Variants in S100Z observed in about 807,000 individuals in gnomAD.
S100Z encodes the protein protein S100-Z.
A neutral mutation model predicts 8.5 loss-of-function variants in S100Z; 11 were observed. That is an observed-to-expected ratio of 1.30 (90% CI 0.82 to 2.15). The LOEUF (loss-of-function observed/expected upper bound fraction) is 2.15. Ranked by LOEUF, S100Z falls within the 30% of genes most tolerant of loss-of-function variation. The pLI is 0.00. For synonymous variants in S100Z, 34 were observed against 43.8 expected, an observed-to-expected ratio of 0.78 and a Z score of 0.89; for missense variants, 126 against 117.9, an observed-to-expected ratio of 1.07 and a Z score of -0.32.
chr5:76,866,635 T>A (rs752158516), intron 1 of S100Z, among the ~76,000 whole-genome samples: 7 of 152,228 alleles, frequency 4.6e-5, no homozygotes, highest in Admixed American at 6.5e-5. Flanking sequence ...ACACAAATAC[T>A]ATTGCATTAC....
At chr5:76,886,722 T>C (rs1305085493) in intron 4 of S100Z, among the ~76,000 whole-genome samples, 1 of 152,154 alleles carries the variant, frequency 6.6e-6, no homozygotes, top group Non-Finnish European at 1.5e-5. Flanking sequence ...CATTAGTTCT[T>C]ATAGGTTTTG....
intron 4 of S100Z, among the ~76,000 whole-genome samples, chr5:76,906,974 GTGTATATATATATATATATA>G (rs1271927942): frequency 3.7e-4 from 43 of 114,700 alleles, no homozygotes; most frequent in Middle Eastern, 4.5e-3. Flanking sequence ...CATTGTGTGT[GTGTATATATATATATATATA>G]TATATATATA....
At chr5:76,937,741 A>C in the S100Z span, among the ~76,000 whole-genome samples, 1 of 85,504 alleles carries the variant, frequency 1.2e-5, no homozygotes, top group African/African-American at 4.1e-5. Context: ...CAACAATGCA[A>C]GACCCTGTCT....
At chr5:76,907,021 T>TATATAC (rs1744478342) in intron 4 of S100Z, among the ~76,000 whole-genome samples, 1 of 108,718 alleles carries the variant, frequency 9.2e-6, no homozygotes, top group South Asian at 2.9e-4. Context: ...TATATATATA[T>TATATAC]ATACATATAT....
intron 4 of S100Z, among the ~76,000 whole-genome samples, chr5:76,904,567 C>A (rs1263501748): frequency 1.3e-5 from 2 of 152,178 alleles, no homozygotes; most frequent in Non-Finnish European, 2.9e-5. Context: ...ACACACATTT[C>A]TTTACAAGTA....
At chr5:76,866,871 C>T (rs1187342418) in intron 1 of S100Z, among the ~76,000 whole-genome samples, 1 of 152,208 alleles carries the variant, frequency 6.6e-6, no homozygotes, top group Non-Finnish European at 1.5e-5. Flanking sequence ...TCTTTAGGTA[C>T]ACAACATTTA....
the S100Z span, among the ~76,000 whole-genome samples, chr5:76,940,639 C>T: frequency 1.3e-5 from 2 of 152,164 alleles, no homozygotes; most frequent in African/African-American, 4.8e-5. Context: ...TCTTGAACTC[C>T]TGACCTCAAG....
chr5:76,883,805 C>T (rs970079519), intron 4 of S100Z, among the ~76,000 whole-genome samples: 20 of 152,180 alleles, frequency 1.3e-4, no homozygotes, highest in African/African-American at 3.9e-4. Context: ...TCCCAGGCTG[C>T]GGGCATTGCT....
chr5:76,886,275 G>A (rs1020978152), intron 4 of S100Z, among the ~76,000 whole-genome samples: 2 of 152,196 alleles, frequency 1.3e-5, no homozygotes, highest in African/African-American at 2.4e-5. Context: ...GACCTGCGCC[G>A]GAGTTTTGGG....
chr5:76,952,803 C>CT, the S100Z span: 1 of 312,102 alleles, frequency 3.2e-6, no homozygotes, highest in Non-Finnish European at 6.1e-6. Flanking sequence ...CTCCCTTATT[C>CT]TTTGTCTCCG....
chr5:76,853,132 C>T (rs987118722), intron 1 of S100Z, among the ~76,000 whole-genome samples: 1 of 151,818 alleles, frequency 6.6e-6, no homozygotes, highest in African/African-American at 2.4e-5. Flanking sequence ...CAATGTGATA[C>T]AGTTCAGACA....
chr5:76,911,190 A>C (rs1400325306), intron 4 of S100Z, among the ~76,000 whole-genome samples: 1 of 152,252 alleles, frequency 6.6e-6, no homozygotes, highest in East Asian at 1.9e-4. Flanking sequence ...CCTGAAGCTC[A>C]TAAAGGATTA....
chr5:76,853,406 C>A (rs1750787813), intron 1 of S100Z, among the ~76,000 whole-genome samples: 1 of 152,168 alleles, frequency 6.6e-6, no homozygotes, highest in African/African-American at 2.4e-5. Context: ...TAAGAGATAG[C>A]AAATTACCTT....
At chr5:76,872,248 A>G (rs906403661) in intron 2 of S100Z, among the ~76,000 whole-genome samples, 1 of 152,082 alleles carries the variant, frequency 6.6e-6, no homozygotes, top group African/African-American at 2.4e-5. Flanking sequence ...CCCTATCTCA[A>G]AAATAAATAA....
chr5:76,865,240 C>A (rs78004366), intron 1 of S100Z, among the ~76,000 whole-genome samples: 2,055 of 100,592 alleles, frequency 0.02, 60 homozygotes, highest in African/African-American at 0.051. Flanking sequence ...TGTCCTAGCT[C>A]TTTTTTTTTT....
intron 4 of S100Z, among the ~76,000 whole-genome samples, chr5:76,899,002 C>G (rs188964626): frequency 7.5e-5 from 11 of 146,252 alleles, no homozygotes; most frequent in Admixed American, 5.0e-4. Context: ...ATGACACGAC[C>G]TTGGCTCAGT....
intron 4 of S100Z, among the ~76,000 whole-genome samples, chr5:76,908,518 A>C (rs12656110): frequency 0.014 from 2,157 of 152,306 alleles, 57 homozygotes; most frequent in East Asian, 0.11. Flanking sequence ...TATAAACTTC[A>C]GGACTCTGTT....
In S100Z at chr5:76,875,718, A is replaced by G. The variant is rs564147633; in HGVS notation, c.141+218A>G. Among the ~76,000 whole-genome samples, 3 of 152,278 alleles carry G rather than the reference A, an allele frequency of 2.0e-5. No individual in the cohort carries two copies. The South Asian group carries it at 6.2e-4, about 32-fold the overall frequency. On this transcript the variant is annotated intron_variant, in intron 3 of 4. Coordinates refer to ENST00000317593, the MANE Select transcript of S100Z (RefSeq NM_130772.4). ...CGTGTTACCTGGGGTTAGGGTTTCTAAGTGGTAAAAATTGTATTTTTGACT... is the reference window on the plus strand; with the variant it reads ...CGTGTTACCTGGGGTTAGGGTTTCTGAGTGGTAAAAATTGTATTTTTGACT...
chr5:76,865,625 A>G (rs940382892), intron 1 of S100Z, among the ~76,000 whole-genome samples: 1 of 152,030 alleles, frequency 6.6e-6, no homozygotes, highest in Non-Finnish European at 1.5e-5. Flanking sequence ...GAATAAAAAT[A>G]TAAAGAAAAA....
Sources: allele counts gnomAD v4.1 joint callset (sites outside exome capture counted in the v4.1 genomes callset), GRCh38; gene constraint gnomAD v4.1.1; transcripts MANE v1.5; gene names NCBI Gene and HGNC (gene_info 2026-07-23, HGNC 2026-07-21).